Variants in LOXHD1 observed in about 807,000 individuals in gnomAD.
The protein encoded by LOXHD1 is lipoxygenase homology domain-containing protein 1.
In LOXHD1, 205 loss-of-function variants were observed where a neutral mutation model predicts 248.2. The observed-to-expected ratio is 0.83, with a 90% confidence interval of 0.74 to 0.93. LOXHD1 has a LOEUF of 0.93. Among genes scored for constraint, LOXHD1 ranks in the 40% least tolerant of loss-of-function variants. The pLI, the probability that LOXHD1 is intolerant of heterozygous loss-of-function variation, is 0.00. For synonymous variants in LOXHD1, 1,113 were observed against 1,162.8 expected, an observed-to-expected ratio of 0.96 and a Z score of 0.87; for missense variants, 2,930 against 2,971.6, an observed-to-expected ratio of 0.99 and a Z score of 0.33.
intron 6 of LOXHD1, among the ~76,000 whole-genome samples, chr18:46,605,180 C>A (rs895337885): frequency 2.0e-5 from 3 of 152,152 alleles, no homozygotes; most frequent in African/African-American, 7.2e-5. Context: ...AAGTGCACAA[C>A]CCTCTGCTTT....
intron 34 of LOXHD1, among the ~76,000 whole-genome samples, chr18:46,512,395 G>T (rs1258941150): frequency 1.3e-5 from 2 of 151,878 alleles, no homozygotes; most frequent in Non-Finnish European, 2.9e-5. Flanking sequence ...TCAGCAGCAA[G>T]CACCCATTGC....
intron 18 of LOXHD1, among the ~76,000 whole-genome samples, chr18:46,562,862 G>C (rs1341229221): frequency 6.6e-6 from 1 of 152,172 alleles, no homozygotes; most frequent in East Asian, 1.9e-4. Context: ...CATGAGGCCA[G>C]GGGTGGGAAT....
rs2143956197 is a variant in LOXHD1, at chr18:46,509,743, G to A, written c.5472C>T (p.Ile1824=). ...LDIAPFTKMR[I]RIDGLGSRPE... is the part of the protein sequence containing the mutation. ...GCCGACTGCCCAGGCCATCAATCCG[G>A]ATCCGCATCTTGGTGAATGGAGCAA... The change falls in exon 35 of 41, where the codon ATC becomes ATT. Residue 1824 remains isoleucine, a synonymous_variant. Transcript: ENST00000642948. 1 of 1,551,612 alleles carries A rather than the reference G, an allele frequency of 6.4e-7. No individual in the cohort carries two copies. The highest frequency in any genetic ancestry group is 8.7e-7 in the Non-Finnish European group (1 of 1,146,980).
intron 2 of LOXHD1, 147 bp from the exon 3 acceptor site, chr18:46,642,183 T>A (rs2038971497): frequency 1.3e-6 from 1 of 750,394 alleles, no homozygotes; most frequent in East Asian, 2.7e-5. Flanking sequence ...AAGATTCCCT[T>A]CTGACATGGT....
intron 39 of LOXHD1, among the ~76,000 whole-genome samples, chr18:46,484,157 G>A (rs2032837159): frequency 6.6e-6 from 1 of 152,098 alleles, no homozygotes; most frequent in Non-Finnish European, 1.5e-5. Context: ...TGGGTTCAGG[G>A]AGGGAAAAGC....
intron 7 of LOXHD1, 97 bp downstream of exon 7, chr18:46,604,009 C>T: frequency 6.7e-7 from 1 of 1,490,480 alleles, no homozygotes; most frequent in Non-Finnish European, 9.0e-7. Flanking sequence ...CAGCTGGCTC[C>T]TGTTTGATCA....
intron 35 of LOXHD1, 32 bp from the exon 36 acceptor site, chr18:46,507,744 C>T: frequency 1.3e-6 from 2 of 1,535,700 alleles, no homozygotes; most frequent in Non-Finnish European, 1.8e-6. Context: ...TGGGAATGCC[C>T]TGTCCTCCCT....
intron 34 of LOXHD1, among the ~76,000 whole-genome samples, chr18:46,514,040 A>C (rs1841270921): frequency 6.6e-6 from 1 of 152,180 alleles, no homozygotes; most frequent in African/African-American, 2.4e-5. Context: ...ACCACTGGGA[A>C]AGCTGGACCT....
At position 46,560,210 on chromosome 18, in the gene LOXHD1, CTCCTCCTCT is replaced by C. The variant is rs765944082; in HGVS notation, c.2925_2933del (p.Glu976_Glu978del). 4.6e-5 allele frequency: 71 copies of C among 1,551,784 alleles called. No homozygotes were observed. The highest frequency in any genetic ancestry group is 3.3e-4 in the Middle Eastern group (2 of 6,014). ...TCACCTCCTGCATCCCCGGCCCAAA[CTCCTCCTCT>C]TCCTCCTCTTCTTCCATCTCCTCCT... is the stretch of plus-strand genomic sequence containing the variant. On this transcript the variant is annotated inframe_deletion, in exon 19 of 41. Transcript: ENST00000642948.
chr18:46,635,057 C>G (rs2038875739), intron 4 of LOXHD1, among the ~76,000 whole-genome samples: 1 of 152,064 alleles, frequency 6.6e-6, no homozygotes, highest in Non-Finnish European at 1.5e-5. Context: ...GGGTTCTAGA[C>G]TAGTAGGTAC....
At chr18:46,651,989 G>T (rs2039117460) in intron 1 of LOXHD1, among the ~76,000 whole-genome samples, 1 of 152,096 alleles carries the variant, frequency 6.6e-6, no homozygotes, top group Non-Finnish European at 1.5e-5. Context: ...CACCCTAAAC[G>T]CCCATCAACA....
intron 1 of LOXHD1, among the ~76,000 whole-genome samples, chr18:46,650,105 C>T (rs1316217315): frequency 6.6e-6 from 1 of 152,154 alleles, no homozygotes; most frequent in Non-Finnish European, 1.5e-5. Context: ...AGAGCCACAT[C>T]CCCTCCGCCA....
intron 40 of LOXHD1, among the ~76,000 whole-genome samples, chr18:46,478,778 G>A (rs1044204255): frequency 3.3e-5 from 5 of 151,964 alleles, no homozygotes; most frequent in African/African-American, 7.3e-5. Context: ...CTATAACCTC[G>A]AACTCCTGGG....
At chr18:46,520,232 GC>G in intron 33 of LOXHD1, 1 of 466,962 alleles carries the variant, frequency 2.1e-6, no homozygotes, top group Non-Finnish European at 4.4e-6. Flanking sequence ...GGTTTTTAGA[GC>G]CCCACTTCTG....
At chr18:46,653,985 T>C (rs2039146089) in intron 1 of LOXHD1, among the ~76,000 whole-genome samples, 1 of 152,208 alleles carries the variant, frequency 6.6e-6, no homozygotes. Context: ...ATTGCTATAG[T>C]TTGAATATGT....
chr18:46,509,519 A>G, intron 35 of LOXHD1, 179 bp downstream of exon 35: 1 of 663,844 alleles, frequency 1.5e-6, no homozygotes, highest in Non-Finnish European at 2.8e-6. Context: ...ACAAATAAAT[A>G]AAACGACATT....
intron 4 of LOXHD1, among the ~76,000 whole-genome samples, chr18:46,624,275 C>T (rs1023822834): frequency 2.6e-5 from 4 of 152,162 alleles, no homozygotes. Context: ...ATATCACAGG[C>T]GCTGCGTAGG....
At chr18:46,616,973 T>C in intron 5 of LOXHD1, among the ~76,000 whole-genome samples, 1 of 152,234 alleles carries the variant, frequency 6.6e-6, no homozygotes, top group East Asian at 1.9e-4. Context: ...TGTTGATTAA[T>C]GCTTAGTTAT....
At chr18:46,533,068 G>A (rs1183442379) in intron 28 of LOXHD1, 94 bp downstream of exon 28, 15 of 1,359,516 alleles carry the variant, frequency 1.1e-5, no homozygotes, top group Non-Finnish European at 1.5e-5. Flanking sequence ...CTACTCCTGG[G>A]TGAAGAGGCT....
Sources: allele counts gnomAD v4.1 joint callset (sites outside exome capture counted in the v4.1 genomes callset), GRCh38; gene constraint gnomAD v4.1.1; transcripts MANE v1.5; gene names NCBI Gene and HGNC (gene_info 2026-07-23, HGNC 2026-07-21).